PDLIM5: variants seen among roughly 807,000 people sequenced by gnomAD.
PDLIM5 encodes PDZ and LIM domain 5, also known as PDZ and LIM domain protein 5.
Under a neutral mutation model 64.2 loss-of-function variants are expected in PDLIM5, and 34 were observed. The ratio of observed to expected loss-of-function variants is 0.53; its 90% confidence interval spans 0.40 to 0.71. The LOEUF is 0.71. PDLIM5 is among the 30% of genes least tolerant of loss of function. The pLI is 0.00. For missense variants in PDLIM5, 683 were observed against 733.6 expected, an observed-to-expected ratio of 0.93 and a Z score of 0.80; for synonymous variants, 253 against 269.1, an observed-to-expected ratio of 0.94 and a Z score of 0.59.
intron 9 of PDLIM5, among the ~76,000 whole-genome samples, chr4:94,653,724 A>G (rs1742011530): frequency 6.6e-6 from 1 of 152,128 alleles, no homozygotes; most frequent in Non-Finnish European, 1.5e-5. Context: ...ACAATACTAC[A>G]TTGTACTCTT....
intron 2 of PDLIM5, among the ~76,000 whole-genome samples, chr4:94,499,913 G>GT (rs1187750562): frequency 9.9e-5 from 15 of 152,156 alleles, no homozygotes; most frequent in Non-Finnish European, 1.5e-5. Context: ...AGGTAGAACA[G>GT]TTTCATCCTG....
At chr4:94,469,634 C>T (rs573014150) in intron 2 of PDLIM5, among the ~76,000 whole-genome samples, 10 of 152,138 alleles carry the variant, frequency 6.6e-5, no homozygotes, top group Non-Finnish European at 1.2e-4. Flanking sequence ...CATGGTAGGA[C>T]AACTCCTGGG....
intron 2 of PDLIM5, chr4:94,456,200 A>G (rs895385317): frequency 2.2e-6 from 1 of 460,862 alleles, no homozygotes; most frequent in Non-Finnish European, 3.8e-6. Context: ...GGCATATTAT[A>G]CACACAGTTT....
At chr4:94,463,865 A>G (rs1724111728) in intron 2 of PDLIM5, among the ~76,000 whole-genome samples, 1 of 152,198 alleles carries the variant, frequency 6.6e-6, no homozygotes, top group Non-Finnish European at 1.5e-5. Context: ...TGTTTTTATT[A>G]TCAACCTTTA....
rs185810637 is a variant in PDLIM5, at chr4:94,638,764, A to G, written c.1109-1512A>G. Among the ~76,000 whole-genome samples, 243 of 152,342 alleles carry G rather than the reference A, an allele frequency of 1.6e-3. 2 individuals are homozygous for G. The highest frequency in any genetic ancestry group is 0.012 in the Admixed American group (180 of 15,302). On this transcript the variant is annotated intron_variant, in intron 8 of 12. Coordinates refer to ENST00000317968, the MANE Select transcript of PDLIM5 (RefSeq NM_006457.5). ...ATTGCCTGTGGCTAAGGAGCAGACC[A>G]TCTGTTGGTTTCAATCCTCACTGTT...
At chr4:94,493,304 C>T (rs1405092412) in intron 2 of PDLIM5, among the ~76,000 whole-genome samples, 2 of 151,406 alleles carry the variant, frequency 1.3e-5, no homozygotes, top group Non-Finnish European at 2.9e-5. Flanking sequence ...ATTATCTTTT[C>T]ATTTTCTTGA....
intron 3 of PDLIM5, among the ~76,000 whole-genome samples, chr4:94,551,360 G>A (rs1333147078): frequency 6.6e-6 from 1 of 152,078 alleles, no homozygotes; most frequent in Non-Finnish European, 1.5e-5. Flanking sequence ...TTTGCAAAGA[G>A]CCCCATAAAT....
chr4:94,609,726 G>A (rs772303850), intron 7 of PDLIM5, among the ~76,000 whole-genome samples: 7 of 152,042 alleles, frequency 4.6e-5, no homozygotes, highest in Non-Finnish European at 7.4e-5. Flanking sequence ...CACGCTGTCA[G>A]TATATATCGT....
At chr4:94,565,048 T>A (rs1263291821) in intron 3 of PDLIM5, among the ~76,000 whole-genome samples, 1 of 152,204 alleles carries the variant, frequency 6.6e-6, no homozygotes, top group Non-Finnish European at 1.5e-5. Context: ...AATTAATAAA[T>A]TAATGAAATA....
chr4:94,595,897 G>A (rs1433510534), intron 7 of PDLIM5, among the ~76,000 whole-genome samples: 2 of 152,042 alleles, frequency 1.3e-5, no homozygotes, highest in Non-Finnish European at 2.9e-5. Context: ...AAATAGAACA[G>A]CAAGATACAT....
intron 2 of PDLIM5, among the ~76,000 whole-genome samples, chr4:94,493,841 T>C (rs1727088859): frequency 6.6e-6 from 1 of 152,226 alleles, no homozygotes; most frequent in African/African-American, 2.4e-5. Flanking sequence ...TATTGTAATC[T>C]GCCTTCTCAC....
intron 2 of PDLIM5, among the ~76,000 whole-genome samples, chr4:94,500,461 A>G (rs1395121523): frequency 1.3e-5 from 2 of 152,218 alleles, no homozygotes; most frequent in Non-Finnish European, 2.9e-5. Flanking sequence ...GGAAAGTTTT[A>G]TGTAAGTTAT....
At chr4:94,624,003 G>A (rs1462280957) in intron 8 of PDLIM5, among the ~76,000 whole-genome samples, 2 of 152,012 alleles carry the variant, frequency 1.3e-5, no homozygotes, top group Non-Finnish European at 2.9e-5. Context: ...CCCATGATAG[G>A]AATTTTTTTT....
intron 3 of PDLIM5, among the ~76,000 whole-genome samples, chr4:94,530,511 AT>A (rs1355752865): frequency 0.07 from 8 of 114 alleles, no homozygotes; most frequent in Non-Finnish European, 0.056. Flanking sequence ...GAATCACAGA[AT>A]ATATATATAT....
intron 2 of PDLIM5, among the ~76,000 whole-genome samples, chr4:94,488,034 A>C (rs2126115412): frequency 6.6e-6 from 1 of 152,306 alleles, no homozygotes; most frequent in African/African-American, 2.4e-5. Context: ...ACCTTCCCAC[A>C]CAAGTTCTTT....
intron 3 of PDLIM5, among the ~76,000 whole-genome samples, chr4:94,558,340 G>A (rs193199123): frequency 6.6e-6 from 1 of 152,122 alleles, no homozygotes; most frequent in Non-Finnish European, 1.5e-5. Context: ...TCTTGATATT[G>A]TGCTGTCTCT....
intron 2 of PDLIM5, among the ~76,000 whole-genome samples, chr4:94,488,024 A>G (rs1726509218): frequency 6.6e-6 from 1 of 152,096 alleles, no homozygotes; most frequent in African/African-American, 2.4e-5. Context: ...AGATTCCCCC[A>G]CCTTCCCACA....
intron 3 of PDLIM5, among the ~76,000 whole-genome samples, chr4:94,547,457 C>T (rs1479627028): frequency 1.3e-5 from 2 of 152,148 alleles, no homozygotes; most frequent in Admixed American, 6.6e-5. Flanking sequence ...TCTCCCTCTT[C>T]CACATTTGAG....
At position 94,667,671 on chromosome 4, in the gene PDLIM5, C is replaced by T. The variant is rs548291023; in HGVS notation, c.*3604C>T. 11 of 152,056 alleles carry T rather than the reference C, an allele frequency of 7.2e-5. No individual in the cohort carries two copies. The highest frequency in any genetic ancestry group is 1.3e-4 in the Non-Finnish European group (9 of 68,012). The allele number at this position is 152,056 out of a possible 1,614,324, so 9.4% of individuals were successfully genotyped here. ...GTTTATTTCCTATTAATTCAGGTTCCGTTTAGAGTCTAAAACTAAAACCTA... is the reference window on the plus strand; with the variant it reads ...GTTTATTTCCTATTAATTCAGGTTCTGTTTAGAGTCTAAAACTAAAACCTA... On this transcript the variant is annotated 3_prime_UTR_variant, in exon 13 of 13. Transcript: ENST00000317968.
Sources: gnomAD v4.1 joint callset for allele counts (sites outside exome capture counted in the v4.1 genomes callset) on GRCh38, gnomAD v4.1.1 for gene constraint, MANE v1.5 for transcripts, NCBI Gene and HGNC (gene_info 2026-07-23, HGNC 2026-07-21) for gene names.